The following PTPRD variants were observed in gnomAD, a reference collection of about 807,000 sequenced individuals.
The protein encoded by PTPRD is receptor-type tyrosine-protein phosphatase delta.
In PTPRD, 34 loss-of-function variants were observed where a neutral mutation model predicts 214.5. That is an observed-to-expected ratio of 0.16 (90% confidence interval 0.12 to 0.21). The LOEUF is 0.21. PTPRD is among the 10% of genes least tolerant of loss of function. The probability of loss-of-function intolerance (pLI) is 1.00; values close to 1 mark genes in which losing one functional copy is unlikely to be tolerated. For missense variants in PTPRD, 2,545 were observed against 2,398.7 expected, an observed-to-expected ratio of 1.06 and a Z score of -1.27; for synonymous variants, 1,128 against 845.7, an observed-to-expected ratio of 1.33 and a Z score of -5.79.
rs2137223930 is a variant in PTPRD, at chr9:8,504,316, G to A, written c.1767C>T (p.Ser589=). 1.2e-6 allele frequency: 2 copies of A among 1,614,118 alleles called. No individual in the cohort carries two copies. The highest frequency in any genetic ancestry group is 1.1e-5 in the South Asian group (1 of 91,080). The stretch of plus-strand genomic sequence containing the variant: ...CAGTAGAAGCACCCAGGCCTTGAGG[G>A]GAGCGTGCAGCCAGACGGAAATAGT... The part of the protein sequence containing the change: ...SLYYFRLAAR[S]PQGLGASTAE... The change falls in exon 23 of 46, where the codon TCC becomes TCT. Residue 589 remains serine (S), a synonymous_variant. Transcript: ENST00000381196.
chr9:10,274,594 G>C (rs2094579789), intron 3 of PTPRD, among the ~76,000 whole-genome samples: 1 of 152,122 alleles, frequency 6.6e-6, no homozygotes, highest in South Asian at 2.1e-4. Context: ...TATTGGGCTT[G>C]CATTCACCAC....
chr9:9,780,216 T>A (rs1013706053), intron 5 of PTPRD, among the ~76,000 whole-genome samples: 2 of 151,834 alleles, frequency 1.3e-5, no homozygotes, highest in Admixed American at 6.6e-5. Context: ...TGAACACACA[T>A]CAACATAAAC....
chr9:10,587,401 G>A (rs1182106126), intron 2 of PTPRD, among the ~76,000 whole-genome samples: 1 of 151,978 alleles, frequency 6.6e-6, no homozygotes, highest in East Asian at 1.9e-4. Flanking sequence ...GAGTATCTAT[G>A]GCATATATAA....
intron 36 of PTPRD, among the ~76,000 whole-genome samples, chr9:8,400,869 A>C (rs1220984072): frequency 6.6e-6 from 1 of 152,204 alleles, no homozygotes; most frequent in Non-Finnish European, 1.5e-5. Flanking sequence ...ACGGATAAGG[A>C]AACTACATAG....
At chr9:10,452,403 T>G (rs530978587) in intron 2 of PTPRD, among the ~76,000 whole-genome samples, 13 of 151,900 alleles carry the variant, frequency 8.6e-5, no homozygotes, top group Non-Finnish European at 1.3e-4. Context: ...TCATTCATAC[T>G]TTTTCCATAA....
At chr9:9,128,478 T>C (rs10115009) in intron 10 of PTPRD, among the ~76,000 whole-genome samples, 7,669 of 152,252 alleles carry the variant, frequency 0.05, 445 homozygotes, top group African/African-American at 0.13. Flanking sequence ...CACGTATGCA[T>C]AATAACATCA....
chr9:9,313,825 C>G (rs1960754536), intron 9 of PTPRD, among the ~76,000 whole-genome samples: 1 of 152,110 alleles, frequency 6.6e-6, no homozygotes, highest in South Asian at 2.1e-4. Context: ...AGGAAGATTT[C>G]TATATCTCTT....
At chr9:10,066,348 T>G (rs2154174755) in intron 3 of PTPRD, among the ~76,000 whole-genome samples, 1 of 151,978 alleles carries the variant, frequency 6.6e-6, no homozygotes, top group African/African-American at 2.4e-5. Flanking sequence ...TTTCAATGGA[T>G]TCCTGATTTA....
intron 8 of PTPRD, among the ~76,000 whole-genome samples, chr9:9,475,400 A>G (rs35172419): frequency 0.097 from 14,839 of 152,232 alleles, 749 homozygotes; most frequent in South Asian, 0.14. Context: ...CTGTTATGGA[A>G]GATTTTGAGT....
chr9:9,353,421 A>T (rs1163350929), intron 9 of PTPRD, among the ~76,000 whole-genome samples: 1 of 151,992 alleles, frequency 6.6e-6, no homozygotes, highest in African/African-American at 2.4e-5. Context: ...ATGAACAAAG[A>T]AATAAAGCCA....
chr9:8,668,788 T>C (rs2097218809), intron 12 of PTPRD, among the ~76,000 whole-genome samples: 1 of 152,190 alleles, frequency 6.6e-6, no homozygotes, highest in Non-Finnish European at 1.5e-5. Context: ...ATTTTCTTAG[T>C]CTCAAAATTG....
At chr9:10,165,719 T>C (rs1308458841) in intron 3 of PTPRD, among the ~76,000 whole-genome samples, 1 of 151,532 alleles carries the variant, frequency 6.6e-6, no homozygotes, top group Non-Finnish European at 1.5e-5. Flanking sequence ...TAAATGTTTA[T>C]TACAGAGCCA....
intron 11 of PTPRD, among the ~76,000 whole-genome samples, chr9:8,771,079 GC>G (rs1347604040): frequency 6.6e-6 from 1 of 151,594 alleles, no homozygotes; most frequent in Non-Finnish European, 1.5e-5. Context: ...TACTTGGGAG[GC>G]TGAGGCAGGA....
intron 8 of PTPRD, among the ~76,000 whole-genome samples, chr9:9,538,820 C>A (rs625517): frequency 0.16 from 24,364 of 151,782 alleles, 2,112 homozygotes; most frequent in African/African-American, 0.23. Flanking sequence ...AGAACTGAAC[C>A]TACATTCAAA....
chr9:10,335,056 A>C (rs1443311471), intron 3 of PTPRD, among the ~76,000 whole-genome samples: 1 of 151,730 alleles, frequency 6.6e-6, no homozygotes, highest in Non-Finnish European at 1.5e-5. Context: ...TCAAAACCCC[A>C]GCCAGTTATA....
At chr9:9,607,429 AATT>A (rs2094235464) in intron 7 of PTPRD, among the ~76,000 whole-genome samples, 1 of 152,202 alleles carries the variant, frequency 6.6e-6, no homozygotes, top group South Asian at 2.1e-4. Flanking sequence ...AAGAAAGAGA[AATT>A]ATTAATACCT....
chr9:10,454,938 C>A (rs73390345), intron 2 of PTPRD, among the ~76,000 whole-genome samples: 3 of 151,604 alleles, frequency 2.0e-5, no homozygotes, highest in African/African-American at 7.3e-5. Context: ...ACCTCAGTAA[C>A]AGGCAAGAAA....
chr9:8,330,756 C>T (rs180693332), intron 44 of PTPRD, among the ~76,000 whole-genome samples: 375 of 152,100 alleles, frequency 2.5e-3, no homozygotes, highest in African/African-American at 8.3e-3. Context: ...AATATTTGTC[C>T]TATTTTGAGA....
chr9:8,494,821 T>C (rs1275363972), intron 26 of PTPRD, among the ~76,000 whole-genome samples: 1 of 152,178 alleles, frequency 6.6e-6, no homozygotes, highest in Non-Finnish European at 1.5e-5. Context: ...ATATCCTTTC[T>C]TGGATTACAT....
Sources: gnomAD v4.1 joint callset for allele counts (sites outside exome capture counted in the v4.1 genomes callset) on GRCh38, gnomAD v4.1.1 for gene constraint, MANE v1.5 for transcripts, NCBI Gene and HGNC (gene_info 2026-07-23, HGNC 2026-07-21) for gene names.